Variants in PARD3B observed in about 807,000 individuals in gnomAD.
The protein encoded by PARD3B is partitioning defective 3 homolog B.
In PARD3B, 103 loss-of-function variants were observed where a neutral mutation model predicts 130.2. That is an observed-to-expected ratio of 0.79 (90% confidence interval 0.67 to 0.93). The LOEUF (loss-of-function observed/expected upper bound fraction) is 0.93, where lower values mean the gene tolerates loss of function less well. PARD3B is among the 40% of genes least tolerant of loss of function. The pLI is 0.00. For synonymous variants in PARD3B, 583 were observed against 553.2 expected, an observed-to-expected ratio of 1.05 and a Z score of -0.76; for missense variants, 1,609 against 1,499.2, an observed-to-expected ratio of 1.07 and a Z score of -1.21.
chr2:204,761,455 T>A (rs968076586), intron 2 of PARD3B, among the ~76,000 whole-genome samples: 1 of 152,188 alleles, frequency 6.6e-6, no homozygotes, highest in Admixed American at 6.5e-5. Context: ...CCTTAAGCTG[T>A]GTGGCTTTTA....
chr2:204,546,788 A>G (rs1289165175), intron 1 of PARD3B, among the ~76,000 whole-genome samples: 1 of 152,238 alleles, frequency 6.6e-6, no homozygotes, highest in African/African-American at 2.4e-5. Context: ...AGTGACTATT[A>G]AAATGAGAAA....
chr2:204,887,293 T>G lies in PARD3B; in HGVS notation c.223-77859T>G, dbSNP rs564986523. 6.6e-6 allele frequency among the ~76,000 whole-genome samples: 1 copy of G among 152,306 alleles called. No homozygotes were observed. The highest frequency in any genetic ancestry group is 2.1e-4 in the South Asian group (1 of 4,830). ...TCCAAAACAATGTGATTATTTTCAT[T>G]TAAGCCTATTTTGGAAGCTGAGTCA... On this transcript the variant is annotated intron_variant, in intron 2 of 22. Coordinates refer to ENST00000406610, the MANE Select transcript of PARD3B (RefSeq NM_001302769.2). This position sits in a 1 kb window ranked among gnomAD's most constrained non-coding sequence, Gnocchi z 4.2.
In PARD3B at chr2:204,655,620, A is replaced by T. The variant is rs182399259; in HGVS notation, c.121-30561A>T. Among the ~76,000 whole-genome samples, 21 of 152,360 alleles carry T rather than the reference A, an allele frequency of 1.4e-4. No homozygotes were observed. In the East Asian group the frequency reaches 4.1e-3, roughly 29 times the overall value. Reference sequence around the variant, plus strand: ...TGGGGAAGTGGTCCTGGAGGAGATCATGACCCAGGACATACTATGTTTAGT... The same window carrying T: ...TGGGGAAGTGGTCCTGGAGGAGATCTTGACCCAGGACATACTATGTTTAGT... On this transcript the variant is annotated intron_variant, in intron 1 of 22. Coordinates refer to ENST00000406610, the MANE Select transcript of PARD3B (RefSeq NM_001302769.2).
At chr2:205,026,149 G>T (rs1697014004) in intron 3 of PARD3B, among the ~76,000 whole-genome samples, 2 of 152,096 alleles carry the variant, frequency 1.3e-5, no homozygotes, top group Non-Finnish European at 2.9e-5. Context: ...AATGAAACAG[G>T]ATAAAGGAAT....
intron 1 of PARD3B, among the ~76,000 whole-genome samples, chr2:204,643,934 A>G (rs528172175): frequency 1.3e-5 from 2 of 152,324 alleles, no homozygotes; most frequent in African/African-American, 4.8e-5. Context: ...GATGACATCA[A>G]AGGCCCACTG....
chr2:205,363,546 G>A (rs80034745), intron 18 of PARD3B, among the ~76,000 whole-genome samples: 1 of 152,164 alleles, frequency 6.6e-6, no homozygotes, highest in African/African-American at 2.4e-5. Context: ...AGGCAAAGGG[G>A]TATAATTGAA....
rs370179147 is a variant in PARD3B, at chr2:205,498,828, A to G, written c.3045-1068A>G. On this transcript the variant is annotated intron_variant, in intron 20 of 22. Transcript: ENST00000406610. ...ATGGAGCCTTCTGTGATTTTCTTCAATGGCCCTGCTCTCACCTTGTCAAAG... is the reference window on the plus strand; with the variant it reads ...ATGGAGCCTTCTGTGATTTTCTTCAGTGGCCCTGCTCTCACCTTGTCAAAG... 9.2e-5 allele frequency among the ~76,000 whole-genome samples: 14 copies of G among 152,234 alleles called. No individual in the cohort carries two copies. The East Asian group carries it at 2.7e-3, about 29-fold the overall frequency.
At chr2:204,683,982 G>A (rs1324087960) in intron 1 of PARD3B, among the ~76,000 whole-genome samples, 1 of 152,162 alleles carries the variant, frequency 6.6e-6, no homozygotes, top group Non-Finnish European at 1.5e-5. Context: ...GTGCGTGAGG[G>A]AGGAATGGAT....
chr2:204,690,996 G>A (rs77940466), intron 2 of PARD3B, among the ~76,000 whole-genome samples: 1,728 of 152,058 alleles, frequency 0.011, 21 homozygotes, highest in African/African-American at 0.039. Flanking sequence ...TGCTGTTATC[G>A]TCTATAGTGT....
At chr2:205,565,910 CAAA>C (rs78064685) in intron 22 of PARD3B, among the ~76,000 whole-genome samples, 5 of 63,672 alleles carry the variant, frequency 7.9e-5, no homozygotes, top group Non-Finnish European at 1.4e-4. Flanking sequence ...CTGCCCATTA[CAAA>C]AAAAAAAAAA....
intron 1 of PARD3B, among the ~76,000 whole-genome samples, chr2:204,636,264 T>C (rs566506690): frequency 2.4e-4 from 37 of 152,244 alleles, no homozygotes; most frequent in Middle Eastern, 3.4e-3. Context: ...TGGGGAGATA[T>C]ATAACTAATC....
At chr2:204,688,949 C>T (rs1481835557) in intron 2 of PARD3B, among the ~76,000 whole-genome samples, 1 of 152,080 alleles carries the variant, frequency 6.6e-6, no homozygotes, top group Non-Finnish European at 1.5e-5. Context: ...TATCTCACCT[C>T]CTAGGAAAGA....
rs901458535 is a variant in PARD3B, at chr2:205,619,474, G to C, written c.*3661G>C. On this transcript the variant is annotated 3_prime_UTR_variant, in exon 23 of 23. Coordinates refer to ENST00000406610, the MANE Select transcript of PARD3B (RefSeq NM_001302769.2). ...ACACCCTACTGCTTTCTGAGTCTAC[G>C]AGCAACAGAAAGACTGGTCTTAGTG... 3 of 152,086 alleles carry C rather than the reference G, an allele frequency of 2.0e-5. No individual in the cohort carries two copies. The highest frequency in any genetic ancestry group is 2.4e-5 in the African/African-American group (1 of 41,382). The allele number at this position is 152,086 out of a possible 1,614,324, so 9.4% of individuals were successfully genotyped here. A position where few individuals can be genotyped will look rare whatever the true frequency, so the allele number is the denominator to read the frequency against.
chr2:204,582,413 G>A (rs1052161002), intron 1 of PARD3B, among the ~76,000 whole-genome samples: 1 of 152,154 alleles, frequency 6.6e-6, no homozygotes, highest in Admixed American at 6.5e-5. Flanking sequence ...AAAGATAAAA[G>A]TTTAGTTCTT....
chr2:205,177,015 G>GTATGATA (rs2035512816), intron 13 of PARD3B, among the ~76,000 whole-genome samples: 1 of 152,120 alleles, frequency 6.6e-6, no homozygotes, highest in Non-Finnish European at 1.5e-5. Context: ...TGATAAATGG[G>GTATGATA]TGAATATCCT....
intron 1 of PARD3B, among the ~76,000 whole-genome samples, chr2:204,553,592 A>G (rs375341903): frequency 9.0e-5 from 2 of 22,340 alleles, no homozygotes; most frequent in Non-Finnish European, 2.2e-4. Context: ...AAGGCTATAT[A>G]CATATATATG....
chr2:205,262,198 T>C (rs1365544985), intron 16 of PARD3B, among the ~76,000 whole-genome samples: 1 of 152,114 alleles, frequency 6.6e-6, no homozygotes, highest in African/African-American at 2.4e-5. Flanking sequence ...AGACAGCCCA[T>C]AGTCATATTG....
chr2:204,728,077 G>A (rs917983762), intron 2 of PARD3B, among the ~76,000 whole-genome samples: 1 of 152,140 alleles, frequency 6.6e-6, no homozygotes, highest in Non-Finnish European at 1.5e-5. Flanking sequence ...GCGGGAGGAT[G>A]CATATTAAAT....
chr2:205,279,717 G>A (rs1228798032), intron 16 of PARD3B, among the ~76,000 whole-genome samples: 2 of 152,088 alleles, frequency 1.3e-5, no homozygotes, highest in Non-Finnish European at 2.9e-5. Context: ...GCTTTTGATG[G>A]TTCAGCCAGT....
Sources: allele counts gnomAD v4.1 joint callset (sites outside exome capture counted in the v4.1 genomes callset), GRCh38; gene constraint gnomAD v4.1.1; non-coding constraint Gnocchi (gnomAD v3.1); transcripts MANE v1.5; gene names NCBI Gene and HGNC (gene_info 2026-07-23, HGNC 2026-07-21).